Variants in SNX29 observed in about 807,000 individuals in gnomAD.
The protein encoded by SNX29 is sorting nexin-29.
In SNX29, 78 loss-of-function variants were observed where a neutral mutation model predicts 102.1. The ratio of observed to expected loss-of-function variants is 0.76; its 90% CI spans 0.64 to 0.92. The LOEUF (loss-of-function observed/expected upper bound fraction) is 0.92, where lower values mean the gene tolerates loss of function less well. Among genes scored for constraint, SNX29 ranks in the 40% least tolerant of loss-of-function variants. SNX29 has a pLI of 0.00. For missense variants in SNX29, 1,280 were observed against 1,061.7 expected (o/e 1.21, Z -2.86); for synonymous variants, 580 against 414.5 (o/e 1.40, Z -4.85).
At chr16:12,562,136 C>T (rs998523700) in intron 20 of SNX29, among the ~76,000 whole-genome samples, 4 of 152,162 alleles carry the variant, frequency 2.6e-5, no homozygotes, top group African/African-American at 9.7e-5. Flanking sequence ...CCCAAAATGG[C>T]TCTGGCAATA....
intron 20 of SNX29, among the ~76,000 whole-genome samples, chr16:12,567,037 G>A (rs748122718): frequency 6.6e-6 from 1 of 152,260 alleles, no homozygotes; most frequent in Non-Finnish European, 1.5e-5. Flanking sequence ...TCACTCCTGA[G>A]ATACATGAAG....
At position 12,048,383 on chromosome 16, in the gene SNX29, A is replaced by G. The variant is rs559125109; in HGVS notation, c.511A>G (p.Ile171Val). Residue 171 changes from isoleucine to valine, a missense_variant, in exon 7 of 21, where the codon ATA becomes GTA. Coordinates refer to ENST00000566228, the MANE Select transcript of SNX29 (RefSeq NM_032167.5). Reference sequence around the variant, plus strand: ...CTTTTTTTGGGCAGGTCTGAACTCCATACTCTTTGCGATTAACATCGACAA... The same window carrying G: ...CTTTTTTTGGGCAGGTCTGAACTCCGTACTCTTTGCGATTAACATCGACAA... The part of the protein sequence containing the change: ...LPTMAAGLNS[I>V]LFAINIDNKD... The G allele has an allele frequency of 9.9e-6, 16 of 1,613,750 alleles. No individual in the cohort carries two copies. The South Asian group carries it at 1.3e-4, about 13-fold the overall frequency.
chr16:12,324,917 A>T (rs974181240), intron 15 of SNX29, among the ~76,000 whole-genome samples: 3 of 152,122 alleles, frequency 2.0e-5, no homozygotes, highest in African/African-American at 7.2e-5. Context: ...GACAATAAAA[A>T]CAGCGTTTCA....
intron 11 of SNX29, among the ~76,000 whole-genome samples, chr16:12,118,600 G>A (rs1262993466): frequency 2.0e-5 from 3 of 152,076 alleles, no homozygotes; most frequent in Non-Finnish European, 4.4e-5. Context: ...ACAGGTGTGA[G>A]CCACCGTGCC....
At chr16:12,160,341 C>T (rs577874291) in intron 13 of SNX29, among the ~76,000 whole-genome samples, 4 of 152,338 alleles carry the variant, frequency 2.6e-5, no homozygotes, top group African/African-American at 9.6e-5. Context: ...GATCTTTCAG[C>T]CCTCTGAGTC....
intron 14 of SNX29, among the ~76,000 whole-genome samples, chr16:12,276,473 T>C (rs759632265): frequency 1.4e-4 from 22 of 152,170 alleles, no homozygotes; most frequent in Non-Finnish European, 2.2e-4. Flanking sequence ...ACTCCTGGTT[T>C]TGCTCAGCCT....
At chr16:12,116,764 A>G (rs966817806) in intron 11 of SNX29, among the ~76,000 whole-genome samples, 3 of 152,228 alleles carry the variant, frequency 2.0e-5, no homozygotes, top group African/African-American at 7.2e-5. Context: ...ACACAGATGA[A>G]CCGTGGAAAC....
intron 13 of SNX29, among the ~76,000 whole-genome samples, chr16:12,194,083 A>AT (rs1426218766): frequency 3.9e-5 from 6 of 152,180 alleles, no homozygotes; most frequent in Non-Finnish European, 5.9e-5. Context: ...TTTTGGGGAA[A>AT]TTGACATCTT....
At chr16:12,236,051 C>G (rs750717987) in intron 14 of SNX29, among the ~76,000 whole-genome samples, 2 of 152,160 alleles carry the variant, frequency 1.3e-5, no homozygotes, top group Non-Finnish European at 2.9e-5. Context: ...CTCTCTGTCT[C>G]ATATATGCTG....
In SNX29 at chr16:12,572,734, G is replaced by T; in HGVS notation, c.*4105G>T. ...GCCTTGGCACAGAACTGATGGCAAA[G>T]GAAGGGCTGGGTTTTCAGCTTCTGG... is the stretch of plus-strand genomic sequence containing the variant. On this transcript the variant is annotated 3_prime_UTR_variant, in exon 21 of 21. Transcript: ENST00000566228. The T allele has an allele frequency of 9.4e-7, 1 of 1,064,014 alleles. No homozygotes were observed. Among genetic ancestry groups the T allele is most frequent in the Non-Finnish European group, 1.1e-6 (1 of 878,486 alleles). The allele number at this position is 1,064,014 out of a possible 1,614,324, so 65.9% of individuals were successfully genotyped here.
At chr16:12,022,231 G>A (rs536198998) in intron 3 of SNX29, among the ~76,000 whole-genome samples, 6 of 144,324 alleles carry the variant, frequency 4.2e-5, no homozygotes, top group South Asian at 4.4e-4. Flanking sequence ...GCAGAGTTTC[G>A]CTCTTGTTGC....
At chr16:12,331,551 C>T (rs956633941) in intron 15 of SNX29, among the ~76,000 whole-genome samples, 1 of 152,040 alleles carries the variant, frequency 6.6e-6, no homozygotes, top group Non-Finnish European at 1.5e-5. Flanking sequence ...AGACCTGTTC[C>T]AGAATTTTTT....
intron 16 of SNX29, among the ~76,000 whole-genome samples, chr16:12,358,656 C>T (rs1396578810): frequency 1.3e-5 from 2 of 152,182 alleles, no homozygotes; most frequent in Non-Finnish European, 2.9e-5. Flanking sequence ...AGCCCCGCAC[C>T]CTGGAGGAAA....
chr16:12,061,460 G>C (rs1304624914), intron 8 of SNX29, 68 bp from the exon 9 acceptor site: 1 of 1,310,734 alleles, frequency 7.6e-7, no homozygotes. Context: ...TGCTGTGGAT[G>C]CTTGTTGGTG....
At chr16:12,220,663 CT>C (rs1438238619) in intron 14 of SNX29, among the ~76,000 whole-genome samples, 4 of 152,152 alleles carry the variant, frequency 2.6e-5, no homozygotes, top group African/African-American at 9.7e-5. Flanking sequence ...TTTTAGGCAC[CT>C]AAAATATTTT....
intron 13 of SNX29, among the ~76,000 whole-genome samples, chr16:12,176,615 G>T (rs142261717): frequency 4.9e-4 from 74 of 152,288 alleles, no homozygotes; most frequent in African/African-American, 1.6e-3. Flanking sequence ...GTGATTTAAA[G>T]TCTACCGGGG....
intron 14 of SNX29, among the ~76,000 whole-genome samples, chr16:12,266,395 C>G (rs948443080): frequency 6.6e-6 from 1 of 152,090 alleles, no homozygotes; most frequent in African/African-American, 2.4e-5. Context: ...AGGACTGCCC[C>G]TATTGCGGAT....
chr16:12,021,943 C>G lies in SNX29; in HGVS notation c.123-5377C>G, dbSNP rs113150478. Among the ~76,000 whole-genome samples, 867 of 151,714 alleles carry G rather than the reference C, an allele frequency of 5.7e-3. 15 individuals carry two copies. The highest frequency in any genetic ancestry group is 0.019 in the African/African-American group (801 of 41,394). On this transcript the variant is annotated intron_variant, in intron 3 of 20. Transcript: ENST00000566228. The stretch of plus-strand genomic sequence containing the variant: ...TCATGAAAACAAATGCTTGCTGAAT[C>G]TTCACAGAAAACTAGTTGAGCTGGT...
chr16:12,569,133 G>T lies in SNX29; in HGVS notation c.*504G>T, dbSNP rs796229078. ...GATGGCTGGCTTTGCGGGGGGGGGG[G>T]GGGGGGGGGGCATGGTTCCTTTCAC... On this transcript the variant is annotated 3_prime_UTR_variant, in exon 21 of 21. Transcript: ENST00000566228. 0.12 allele frequency: 15,810 copies of T among 132,890 alleles called. 1,632 individuals carry two copies. The highest frequency in any genetic ancestry group is 0.27 in the Middle Eastern group (104 of 392). The allele number at this position is 132,890 out of a possible 1,614,324, so 8.2% of individuals were successfully genotyped here.
Sources: allele counts gnomAD v4.1 joint callset (sites outside exome capture counted in the v4.1 genomes callset), GRCh38; gene constraint gnomAD v4.1.1; transcripts MANE v1.5; gene names NCBI Gene and HGNC (gene_info 2026-07-23, HGNC 2026-07-21).